TMC1: variants seen among roughly 807,000 people sequenced by gnomAD.
TMC1 encodes transmembrane channel-like protein 1.
In TMC1, 84 loss-of-function variants were observed where a neutral mutation model predicts 105.8. The ratio of observed to expected loss-of-function variants is 0.79; its 90% confidence interval spans 0.67 to 0.95. The LOEUF is 0.95. Among genes scored for constraint, TMC1 ranks in the 40% least tolerant of loss-of-function variants. TMC1 has a pLI of 0.00. For synonymous variants in TMC1, 315 were observed against 311.5 expected (o/e 1.01, Z -0.12); for missense variants, 817 against 914.1 (o/e 0.89, Z 1.37).
intron 1 of TMC1, among the ~76,000 whole-genome samples, chr9:72,529,444 T>C (rs1392552615): frequency 2.6e-5 from 4 of 152,134 alleles, no homozygotes; most frequent in African/African-American, 9.7e-5. Context: ...AGCTAGACCC[T>C]GTCTCTAAAA....
intron 18 of TMC1, among the ~76,000 whole-genome samples, chr9:72,814,042 T>C (rs373101675): frequency 6.6e-6 from 1 of 152,186 alleles, no homozygotes. Context: ...ATGTCTCATC[T>C]CTAATGACCC....
At chr9:72,760,625 C>A (rs891881033) in intron 12 of TMC1, among the ~76,000 whole-genome samples, 2 of 152,102 alleles carry the variant, frequency 1.3e-5, no homozygotes, top group African/African-American at 2.4e-5. Flanking sequence ...GCAGCACACC[C>A]AGCAACAGGA....
chr9:72,740,207 A>C lies in TMC1; in HGVS notation c.451A>C (p.Lys151Gln). 1 of 1,613,256 alleles carries C rather than the reference A, an allele frequency of 6.2e-7. No individual in the cohort carries two copies. The highest frequency in any genetic ancestry group is 8.5e-7 in the Non-Finnish European group (1 of 1,179,328). The change falls in exon 9 of 24, where the codon AAG (lysine) becomes CAG (glutamine). Residue 151 changes from lysine (K) to glutamine (Q), a missense_variant and splice_region_variant. Physicochemically the swap from Lys to Gln is moderately conservative, Grantham distance 53. Transcript: ENST00000297784. Reference sequence around the variant, plus strand: ...GTTTGCATTTAAGATGATGATGGCCAAGGTAGGTATTTTTATAGTTGTCTG... The same window carrying C: ...GTTTGCATTTAAGATGATGATGGCCCAGGTAGGTATTTTTATAGTTGTCTG... ...RWFAFKMMMA[K>Q]KWAKFLRDFE...
intron 15 of TMC1, among the ~76,000 whole-genome samples, chr9:72,790,782 A>G (rs941321146): frequency 6.6e-6 from 1 of 152,154 alleles, no homozygotes; most frequent in Non-Finnish European, 1.5e-5. Context: ...GGATAAGCCA[A>G]ATTTTCTTTA....
At chr9:72,727,734 C>T (rs1453249280) in intron 8 of TMC1, among the ~76,000 whole-genome samples, 1 of 152,062 alleles carries the variant, frequency 6.6e-6, no homozygotes, top group Non-Finnish European at 1.5e-5. Flanking sequence ...CTCATTTTTG[C>T]TCAACACAAG....
chr9:72,695,167 A>G (rs1826528792), intron 7 of TMC1, among the ~76,000 whole-genome samples: 1 of 152,116 alleles, frequency 6.6e-6, no homozygotes, highest in Non-Finnish European at 1.5e-5. Flanking sequence ...AGCAACAAAT[A>G]TGGGACAGAG....
intron 3 of TMC1, among the ~76,000 whole-genome samples, chr9:72,620,268 A>C (rs572628363): frequency 6.6e-6 from 1 of 152,120 alleles, no homozygotes; most frequent in African/African-American, 2.4e-5. Flanking sequence ...TTAAGATAGG[A>C]TCTGGCTCTG....
At position 72,763,671 on chromosome 9, in the gene TMC1, CT is replaced by C. The variant is rs1194890965; in HGVS notation, c.742-8741del. Among the ~76,000 whole-genome samples, 555 of 152,166 alleles carry C rather than the reference CT, an allele frequency of 3.6e-3. 6 individuals carry two copies. The highest frequency in any genetic ancestry group is 0.013 in the African/African-American group (531 of 41,514). Reference sequence around the variant, plus strand: ...ATAAGAGGTGGCCTTATTCAGGGGACTGAGTAAAACGAGAGAGCTCAGAATG... The same window carrying C: ...ATAAGAGGTGGCCTTATTCAGGGGACGAGTAAAACGAGAGAGCTCAGAATG... On this transcript the variant is annotated intron_variant, in intron 12 of 23. Transcript: ENST00000297784.
intron 2 of TMC1, among the ~76,000 whole-genome samples, chr9:72,615,750 CTTA>C (rs1437436214): frequency 1.4e-5 from 2 of 145,620 alleles, no homozygotes; most frequent in African/African-American, 5.3e-5. Context: ...TGACACCTTT[CTTA>C]TTTTTTTTTT....
Position 72,648,667 on chromosome 9 carries a change from A to G in TMC1, c.16+3A>G, listed in dbSNP as rs755230896. The G allele has an allele frequency of 1.2e-6, 2 of 1,612,384 alleles. No individual in the cohort carries two copies. Among genetic ancestry groups the G allele is most frequent in the Non-Finnish European group, 1.7e-6 (2 of 1,178,460 alleles). ...CCCCAGGATGTCACCCAAAAAAGGT[A>G]TTTACAAAATCAAGACTGTCTGTAG... is the stretch of plus-strand genomic sequence containing the variant. On this transcript the variant is annotated splice_donor_region_variant and intron_variant, in intron 5 of 23. Coordinates refer to ENST00000297784, the MANE Select transcript of TMC1 (RefSeq NM_138691.3).
chr9:72,568,134 C>T (rs1458148831), intron 1 of TMC1, among the ~76,000 whole-genome samples: 1 of 150,332 alleles, frequency 6.7e-6, no homozygotes, highest in African/African-American at 2.5e-5. Flanking sequence ...CCCAGATAAA[C>T]ATGGTTTAGC....
intron 4 of TMC1, among the ~76,000 whole-genome samples, chr9:72,642,811 A>G (rs186745346): frequency 3.3e-5 from 5 of 152,314 alleles, no homozygotes; most frequent in Admixed American, 1.3e-4. Context: ...GTTTTAACAA[A>G]CACCTACATT....
intron 20 of TMC1, among the ~76,000 whole-genome samples, chr9:72,824,112 C>T (rs886429797): frequency 2.6e-5 from 4 of 152,242 alleles, no homozygotes; most frequent in Non-Finnish European, 5.9e-5. Context: ...CGGGATCTGG[C>T]GAGACACACT....
chr9:72,651,239 C>T (rs1825810271), intron 5 of TMC1: 1 of 151,826 alleles, frequency 6.6e-6, no homozygotes, highest in Admixed American at 6.6e-5. Context: ...CAAGGAAAAA[C>T]TGTTTTCATG....
At chr9:72,690,227 C>A (rs930963212) in intron 6 of TMC1, among the ~76,000 whole-genome samples, 3 of 152,078 alleles carry the variant, frequency 2.0e-5, no homozygotes, top group African/African-American at 7.2e-5. Context: ...TACTAAAACT[C>A]TACACTTCTA....
intron 12 of TMC1, among the ~76,000 whole-genome samples, chr9:72,765,717 T>C (rs1827819603): frequency 2.0e-5 from 3 of 151,966 alleles, no homozygotes. Context: ...CTTTATCCTA[T>C]AGGCAGCGGA....
chr9:72,808,981 C>T (rs1249305335), intron 18 of TMC1: 1 of 152,272 alleles, frequency 6.6e-6, no homozygotes, highest in East Asian at 1.9e-4. Flanking sequence ...TTAGGTAATG[C>T]TCTTCGGTGA....
rs114708322 is a variant in TMC1 at position 72,577,559 on chromosome 9, G to C, written c.-427-343G>C. The stretch of plus-strand genomic sequence containing the variant: ...TTCTGTAGCAGCCTGATTGAGATCA[G>C]CTAACCTTTAGGCCAAAAGCGGGAT... On this transcript the variant is annotated intron_variant, in intron 1 of 23. Transcript: ENST00000297784. 6.5e-3 allele frequency among the ~76,000 whole-genome samples: 984 copies of C among 151,288 alleles called. 5 individuals are homozygous for C. Among genetic ancestry groups the C allele is most frequent in the African/African-American group, 0.015 (608 of 40,612 alleles).
chr9:72,830,303 T>TTATC, intron 21 of TMC1, 148 bp from the exon 22 acceptor site: 1 of 672,644 alleles, frequency 1.5e-6, no homozygotes, highest in Non-Finnish European at 2.6e-6. Flanking sequence ...ACCTCAGCTT[T>TTATC]TATCTATAAG....
Sources: gnomAD v4.1 joint callset for allele counts (sites outside exome capture counted in the v4.1 genomes callset) on GRCh38, gnomAD v4.1.1 for gene constraint, MANE v1.5 for transcripts, NCBI Gene and HGNC (gene_info 2026-07-23, HGNC 2026-07-21) for gene names.